The following MRPS25 variants were observed in gnomAD, a reference collection of about 807,000 sequenced individuals.
The protein encoded by MRPS25 is small ribosomal subunit protein mS25.
MRPS25 carries 15 observed loss-of-function variants against 17.3 expected under a neutral mutation model. That is an observed-to-expected ratio of 0.87 (90% CI 0.58 to 1.34). The LOEUF (loss-of-function observed/expected upper bound fraction) is 1.34, where lower values mean the gene tolerates loss of function less well. Among genes scored for constraint, MRPS25 ranks in the 40% most tolerant of loss-of-function variants. The pLI is 0.00. For synonymous variants in MRPS25, 94 were observed against 83.3 expected, an observed-to-expected ratio of 1.13 and a Z score of -0.70; for missense variants, 225 against 218.6, an observed-to-expected ratio of 1.03 and a Z score of -0.19.
In MRPS25 at chr3:15,051,035, G is replaced by A; in HGVS notation, c.*1406C>T. 2 of 983,300 alleles carry A rather than the reference G, an allele frequency of 2.0e-6. No homozygotes were observed. Among genetic ancestry groups the A allele is most frequent in the Non-Finnish European group, 2.4e-6 (2 of 828,034 alleles). 60.9% of individuals were successfully genotyped at this position (983,300 alleles called of 1,614,324 possible). A position where few individuals can be genotyped will look rare whatever the true frequency, so the allele number is the denominator to read the frequency against. On this transcript the variant is annotated 3_prime_UTR_variant, in exon 4 of 4. Transcript: ENST00000253686. The stretch of plus-strand genomic sequence containing the variant: ...CCAAGGCCCCAGCAGGTAGAGGAAT[G>A]AAAACTTCAGTCCTGCTCTGTCAAG...
chr3:15,043,290 A>G (rs1052878484), downstream of MRPS25: 3 of 248,086 alleles, frequency 1.2e-5, no homozygotes, highest in African/African-American at 6.7e-5. Flanking sequence ...AAAAAACAAA[A>G]AAAAAGGTTT....
chr3:15,055,736 T>A (rs1015600679), intron 2 of MRPS25, among the ~76,000 whole-genome samples: 16 of 136,768 alleles, frequency 1.2e-4, no homozygotes, highest in African/African-American at 3.2e-4. Context: ...TAAAAAAAAA[T>A]TTTTTAAATG....
intron 1 of MRPS25, among the ~76,000 whole-genome samples, chr3:15,061,121 G>A (rs1356017817): frequency 2.6e-5 from 4 of 152,058 alleles, no homozygotes; most frequent in Non-Finnish European, 4.4e-5. Context: ...AAACTACTAG[G>A]ACAGAAATGC....
downstream of MRPS25, chr3:15,046,311 TTC>T (rs2042449100): frequency 6.6e-6 from 1 of 152,230 alleles, no homozygotes; most frequent in Non-Finnish European, 1.5e-5. Context: ...ATGTGGACTC[TTC>T]TGAGGCAGTT....
Position 15,051,893 on chromosome 3 carries a change from C to G in MRPS25, c.*548G>C, listed in dbSNP as rs1484016299. 1.0e-6 allele frequency: 1 copy of G among 985,454 alleles called. No homozygotes were observed. The highest frequency in any genetic ancestry group is 1.7e-5 in the African/African-American group (1 of 57,260). 61.0% of individuals were successfully genotyped at this position (985,454 alleles called of 1,614,324 possible). A position where few individuals can be genotyped will look rare whatever the true frequency, so the allele number is the denominator to read the frequency against. On this transcript the variant is annotated 3_prime_UTR_variant, in exon 4 of 4. Transcript: ENST00000253686. ...GCCCATGGCTAGGCCCCCCAGCAGG[C>G]AAGGGTAATCAACTGTACTTAAAAA...
intron 2 of MRPS25, among the ~76,000 whole-genome samples, chr3:15,057,332 G>A (rs929371250): frequency 1.3e-5 from 2 of 152,128 alleles, no homozygotes; most frequent in African/African-American, 2.4e-5. Flanking sequence ...TTCTTTCAAG[G>A]TCTTCTCTCT....
downstream of MRPS25, chr3:15,048,356 T>G: frequency 6.5e-6 from 1 of 152,676 alleles, no homozygotes; most frequent in East Asian, 1.9e-4. Flanking sequence ...TCTAAATGAA[T>G]TAAAAGTTTC....
chr3:15,063,525 A>G (rs1000267875), intron 1 of MRPS25, among the ~76,000 whole-genome samples: 1 of 152,168 alleles, frequency 6.6e-6, no homozygotes, highest in Non-Finnish European at 1.5e-5. Flanking sequence ...ACTCCAACCC[A>G]CGGGTACAAG....
At position 15,052,614 on chromosome 3, in the gene MRPS25, C is replaced by G. The variant is rs1347926260; in HGVS notation, c.349G>C (p.Glu117Gln). Residue 117 changes from glutamate (E) to glutamine (Q), a missense_variant, in exon 4 of 4, where the codon GAG becomes CAG. By Grantham distance (29) the Glu-to-Gln change is conservative (BLOSUM62 2). Coordinates refer to ENST00000253686, the MANE Select transcript of MRPS25 (RefSeq NM_022497.5). ...GKNEETLREE[E>Q]EEKKQLSHPA... ...TGAGAAAGCTGCTTTTTCTCCTCCT[C>G]CTCTTCCCTGAGGGTTTCCCTGCCA... 6.2e-7 allele frequency: 1 copy of G among 1,614,092 alleles called. No homozygotes were observed. Among genetic ancestry groups the G allele is most frequent in the Non-Finnish European group, 8.5e-7 (1 of 1,180,004 alleles).
At chr3:15,047,075 C>T (rs1357141683), downstream of MRPS25, 1 of 152,650 alleles carries the variant, frequency 6.6e-6, no homozygotes, top group Non-Finnish European at 1.5e-5. Context: ...TTTATATCCT[C>T]TCCATATGTA....
Position 15,051,332 on chromosome 3 carries a change from A to T in MRPS25, c.*1109T>A. 1 of 528,150 alleles carries T rather than the reference A, an allele frequency of 1.9e-6. No homozygotes were observed. 32.7% of individuals were successfully genotyped at this position (528,150 alleles called of 1,614,324 possible). A position where few individuals can be genotyped will look rare whatever the true frequency, so the allele number is the denominator to read the frequency against. On this transcript the variant is annotated 3_prime_UTR_variant, in exon 4 of 4. Coordinates refer to ENST00000253686, the MANE Select transcript of MRPS25 (RefSeq NM_022497.5). ...CCAAATAGCTGGGACTACAGACGCG[A>T]AACACCACACCCATCTAATTTTTGT...
In MRPS25 at chr3:15,051,774, G is replaced by GT; in HGVS notation, c.*666dup. The GT allele has an allele frequency of 2.0e-6, 2 of 985,476 alleles. No individual in the cohort carries two copies. The highest frequency in any genetic ancestry group is 9.4e-5 in the South Asian group (2 of 21,282). 61.0% of individuals were successfully genotyped at this position (985,476 alleles called of 1,614,324 possible). A position where few individuals can be genotyped will look rare whatever the true frequency, so the allele number is the denominator to read the frequency against. ...ACAAACCTCCCTGCTAATGCACACA[G>GT]TGGCTGGGCCATGGGTTGGCAGTGG... On this transcript the variant is annotated 3_prime_UTR_variant, in exon 4 of 4. Transcript: ENST00000253686.
Position 15,051,570 on chromosome 3 carries a change from G to T in MRPS25, c.*871C>A. ...CCACTTTAGCATAACTAAAGTGACA[G>T]TAACATCAGTGTCCTATGAGGAAAG... On this transcript the variant is annotated 3_prime_UTR_variant, in exon 4 of 4. Coordinates refer to ENST00000253686, the MANE Select transcript of MRPS25 (RefSeq NM_022497.5). 1.0e-6 allele frequency: 1 copy of T among 985,404 alleles called. No homozygotes were observed. The highest frequency in any genetic ancestry group is 1.2e-6 in the Non-Finnish European group (1 of 829,922). The allele number at this position is 985,404 out of a possible 1,614,324, so 61.0% of individuals were successfully genotyped here. A position where few individuals can be genotyped will look rare whatever the true frequency, so the allele number is the denominator to read the frequency against.
chr3:15,047,152 T>C (rs1220031569), downstream of MRPS25: 37 of 152,680 alleles, frequency 2.4e-4, no homozygotes, highest in Non-Finnish European at 1.5e-4. Context: ...ATCCAAACTT[T>C]CCTTTAAAGA....
chr3:15,049,509 G>A lies in MRPS25; in HGVS notation c.*2932C>T, dbSNP rs184060881. 3.9e-6 allele frequency: 1 copy of A among 253,192 alleles called. No homozygotes were observed. 15.7% of individuals were successfully genotyped at this position (253,192 alleles called of 1,614,324 possible). A position where few individuals can be genotyped will look rare whatever the true frequency, so the allele number is the denominator to read the frequency against. On this transcript the variant is annotated 3_prime_UTR_variant, in exon 4 of 4. Transcript: ENST00000253686. ...GACAGTCTTTACATCCACCCAGCAA[G>A]GCAGCTCCTTGGTGTGGAGGTAGGG... is the stretch of plus-strand genomic sequence containing the variant.
chr3:15,052,090 C>G lies in MRPS25; in HGVS notation c.*351G>C, dbSNP rs537016905. 19 of 1,032,280 alleles carry G rather than the reference C, an allele frequency of 1.8e-5. No individual in the cohort carries two copies. Among genetic ancestry groups the G allele is most frequent in the Middle Eastern group, 4.7e-4 (1 of 2,112 alleles). 63.9% of individuals were successfully genotyped at this position (1,032,280 alleles called of 1,614,324 possible). A position where few individuals can be genotyped will look rare whatever the true frequency, so the allele number is the denominator to read the frequency against. Reference sequence around the variant, plus strand: ...AGGAAGATTCAAAGCCAGCGGAGACCAGTAAAGGGTCGCAGGACCAAAACA... The same window carrying G: ...AGGAAGATTCAAAGCCAGCGGAGACGAGTAAAGGGTCGCAGGACCAAAACA... On this transcript the variant is annotated 3_prime_UTR_variant, in exon 4 of 4. Transcript: ENST00000253686.
chr3:15,042,698 GAA>G, downstream of MRPS25: 2 of 712,582 alleles, frequency 2.8e-6, no homozygotes, highest in East Asian at 5.2e-5. Context: ...GTTGAAATCA[GAA>G]AAGAGAGGTG....
At position 15,051,825 on chromosome 3, in the gene MRPS25, G is replaced by C. The variant is rs1411718801; in HGVS notation, c.*616C>G. 4 of 985,392 alleles carry C rather than the reference G, an allele frequency of 4.1e-6. No individual in the cohort carries two copies. The African/African-American group carries it at 7.0e-5, about 17-fold the overall frequency. The allele number at this position is 985,392 out of a possible 1,614,324, so 61.0% of individuals were successfully genotyped here. On this transcript the variant is annotated 3_prime_UTR_variant, in exon 4 of 4. Transcript: ENST00000253686. ...CTGACTGGTCAGCAGGTACGTGCCTGAGTGAGGCTGGCCTGTCAGCCACTG... is the reference window on the plus strand; with the variant it reads ...CTGACTGGTCAGCAGGTACGTGCCTCAGTGAGGCTGGCCTGTCAGCCACTG...
intron 2 of MRPS25, among the ~76,000 whole-genome samples, chr3:15,054,698 A>G (rs948811078): frequency 6.6e-6 from 1 of 152,162 alleles, no homozygotes; most frequent in African/African-American, 2.4e-5. Flanking sequence ...TAAAAGAAAA[A>G]AAACTCTATA....
Sources: allele counts gnomAD v4.1 joint callset (sites outside exome capture counted in the v4.1 genomes callset), GRCh38; gene constraint gnomAD v4.1.1; transcripts MANE v1.5; gene names NCBI Gene and HGNC (gene_info 2026-07-23, HGNC 2026-07-21).